EEPD1: variants seen among roughly 807,000 people sequenced by gnomAD.
The protein encoded by EEPD1 is endonuclease/exonuclease/phosphatase family domain containing 1, also known as endonuclease/exonuclease/phosphatase family domain-containing protein 1.
In EEPD1, 17 loss-of-function variants were observed where a neutral mutation model predicts 46.3. That is an observed-to-expected ratio of 0.37 (90% CI 0.25 to 0.55). The LOEUF (loss-of-function observed/expected upper bound fraction) is 0.55, where lower values mean the gene tolerates loss of function less well. Ranked by LOEUF, EEPD1 falls within the 20% of genes least tolerant of loss-of-function variation. The probability of loss-of-function intolerance (pLI) is 0.83; values close to 1 mark genes in which losing one functional copy is unlikely to be tolerated. For missense variants in EEPD1, 673 were observed against 745.6 expected (o/e 0.90, Z 1.13); for synonymous variants, 313 against 315.6 (o/e 0.99, Z 0.09).
intron 3 of EEPD1, among the ~76,000 whole-genome samples, chr7:36,279,540 A>G (rs1305069145): frequency 1.3e-5 from 2 of 152,176 alleles, no homozygotes; most frequent in Admixed American, 6.5e-5. Flanking sequence ...GCCTCTCCCA[A>G]CCATTGTATG....
At position 36,243,405 on chromosome 7, in the gene EEPD1, G is replaced by A. The variant is rs760645586; in HGVS notation, c.930+4369G>A. Among the ~76,000 whole-genome samples, 22 of 151,024 alleles carry A rather than the reference G, an allele frequency of 1.5e-4. 1 individual carries two copies. Among genetic ancestry groups the A allele is most frequent in the Non-Finnish European group, 4.4e-5 (3 of 67,888 alleles). ...TTTTAGTTCACCTGCGTCTTCCTTT[G>A]ATTAAGAAAATAGTCTTAATTCAAT... On this transcript the variant is annotated intron_variant, in intron 3 of 7. Transcript: ENST00000242108.
chr7:36,155,263 A>G (rs753853609), intron 2 of EEPD1, 61 bp downstream of exon 2: 50 of 1,464,152 alleles, frequency 3.4e-5, no homozygotes, highest in Admixed American at 1.0e-4. Flanking sequence ...GACCTCATCT[A>G]TGGATGCAAA....
intron 2 of EEPD1, among the ~76,000 whole-genome samples, chr7:36,184,431 C>G (rs1397448254): frequency 6.6e-6 from 1 of 152,160 alleles, no homozygotes; most frequent in East Asian, 1.9e-4. Flanking sequence ...CAGCCACAGC[C>G]AGTGCTCAAC....
chr7:36,166,445 G>A (rs1476463200), intron 2 of EEPD1, among the ~76,000 whole-genome samples: 2 of 152,172 alleles, frequency 1.3e-5, no homozygotes, highest in Non-Finnish European at 2.9e-5. Flanking sequence ...AGGAGGCCAG[G>A]AGAAGTGGCT....
Position 36,168,594 on chromosome 7 carries a change from A to T in EEPD1, c.878+13392A>T, listed in dbSNP as rs372513114. Among the ~76,000 whole-genome samples the T allele has an allele frequency of 3.9e-5, 6 of 152,252 alleles. No homozygotes were observed. The East Asian group carries it at 7.7e-4, about 20-fold the overall frequency. ...ATGGTGAAACCCCATCTCTACTAAAAATACAAAAACAAAATTAGCTGGGCA... is the reference window on the plus strand; with the variant it reads ...ATGGTGAAACCCCATCTCTACTAAATATACAAAAACAAAATTAGCTGGGCA... On this transcript the variant is annotated intron_variant, in intron 2 of 7. Coordinates refer to ENST00000242108, the MANE Select transcript of EEPD1 (RefSeq NM_030636.3).
chr7:36,300,802 T>A lies in EEPD1; in HGVS notation c.*1596T>A, dbSNP rs994638747. Reference sequence around the variant, plus strand: ...CCTCTTCCAGGAGCTCTAAGGGTACTTGGGAATCAATTGTGTCCATTCTGA... The same window carrying A: ...CCTCTTCCAGGAGCTCTAAGGGTACATGGGAATCAATTGTGTCCATTCTGA... On this transcript the variant is annotated 3_prime_UTR_variant, in exon 8 of 8. Transcript: ENST00000242108. 1.3e-5 allele frequency: 2 copies of A among 152,232 alleles called. No individual in the cohort carries two copies. Among genetic ancestry groups the A allele is most frequent in the African/African-American group, 4.8e-5 (2 of 41,444 alleles). 9.4% of individuals were successfully genotyped at this position (152,232 alleles called of 1,614,324 possible).
chr7:36,230,490 T>C (rs1189494166), intron 2 of EEPD1, among the ~76,000 whole-genome samples: 1 of 152,122 alleles, frequency 6.6e-6, no homozygotes, highest in Admixed American at 6.6e-5. Context: ...CCCATGTCCA[T>C]GGTCAGCATG....
chr7:36,163,761 C>T (rs957984781), intron 2 of EEPD1, among the ~76,000 whole-genome samples: 2 of 151,874 alleles, frequency 1.3e-5, no homozygotes, highest in African/African-American at 4.8e-5. Context: ...ACCTGTAGTC[C>T]CAGCTACTCG....
At chr7:36,205,882 C>G (rs185118785) in intron 2 of EEPD1, among the ~76,000 whole-genome samples, 1 of 152,252 alleles carries the variant, frequency 6.6e-6, no homozygotes, top group East Asian at 1.9e-4. Context: ...TAGAAACTCT[C>G]TCTCAGACTC....
In EEPD1 at chr7:36,299,127, G is replaced by A. The variant is rs752171732; in HGVS notation, c.1631G>A (p.Trp544Ter). The A allele has an allele frequency of 6.2e-7, 1 of 1,611,558 alleles. No individual in the cohort carries two copies. Among genetic ancestry groups the A allele is most frequent in the South Asian group, 1.1e-5 (1 of 90,976 alleles). Residue 544 changes from tryptophan to a stop codon, truncating the protein, a stop_gained, in exon 8 of 8, where the codon TGG becomes TAG. Transcript: ENST00000242108. LOFTEE classifies it high-confidence loss of function. ...GCCGAGTTCTACACTGAAAAGGACT[G>A]GAGCAAGAAGGATGCCCCTCGGAAC... ...VLAEFYTEKD[W>*]SKKDAPRNGS...
At chr7:36,261,197 A>C (rs967703957) in intron 3 of EEPD1, among the ~76,000 whole-genome samples, 2 of 152,140 alleles carry the variant, frequency 1.3e-5, no homozygotes, top group Admixed American at 1.3e-4. Context: ...AATAGAATAT[A>C]CCAGGTTCCC....
chr7:36,296,628 TC>T (rs1787528032), intron 6 of EEPD1, among the ~76,000 whole-genome samples: 1 of 151,942 alleles, frequency 6.6e-6, no homozygotes, highest in South Asian at 2.1e-4. Context: ...TCTCTGGATT[TC>T]CTGCATAGTA....
chr7:36,182,605 G>A (rs1562676899), intron 2 of EEPD1, among the ~76,000 whole-genome samples: 3 of 152,220 alleles, frequency 2.0e-5, no homozygotes, highest in Non-Finnish European at 4.4e-5. Flanking sequence ...CGTTTGCCCC[G>A]CCTGGGGCCC....
At chr7:36,188,393 G>T (rs1166128578) in intron 2 of EEPD1, among the ~76,000 whole-genome samples, 1 of 152,164 alleles carries the variant, frequency 6.6e-6, no homozygotes, top group Non-Finnish European at 1.5e-5. Flanking sequence ...ATTGTCATGG[G>T]TCATTGTGTG....
At chr7:36,189,219 G>C (rs1785418856) in intron 2 of EEPD1, among the ~76,000 whole-genome samples, 1 of 152,186 alleles carries the variant, frequency 6.6e-6, no homozygotes, top group African/African-American at 2.4e-5. Flanking sequence ...CCTGACACAG[G>C]GTGGTCCCCA....
At chr7:36,268,965 A>G (rs1336018449) in intron 3 of EEPD1, among the ~76,000 whole-genome samples, 1 of 152,216 alleles carries the variant, frequency 6.6e-6, no homozygotes, top group Non-Finnish European at 1.5e-5. Flanking sequence ...TAACCTTACT[A>G]TTAAATAATG....
intron 2 of EEPD1, among the ~76,000 whole-genome samples, chr7:36,200,006 T>C (rs1449338133): frequency 6.6e-6 from 1 of 152,166 alleles, no homozygotes; most frequent in Non-Finnish European, 1.5e-5. Flanking sequence ...CAGGGGTACA[T>C]GTGCAGGTTT....
At chr7:36,275,247 A>G (rs1787165242) in intron 3 of EEPD1, among the ~76,000 whole-genome samples, 1 of 152,160 alleles carries the variant, frequency 6.6e-6, no homozygotes, top group Non-Finnish European at 1.5e-5. Flanking sequence ...AGTTTACTTT[A>G]AAATGCCTAC....
In EEPD1 at chr7:36,241,830, T is replaced by G. The variant is rs530219852; in HGVS notation, c.930+2794T>G. ...TTGTGGTGAGCCGAGATTGCGCCAT[T>G]GCACTCCAGTCTGGGCGAGAGAGTA... On this transcript the variant is annotated intron_variant, in intron 3 of 7. Transcript: ENST00000242108. Among the ~76,000 whole-genome samples the G allele has an allele frequency of 2.0e-5, 3 of 152,308 alleles. No individual in the cohort carries two copies. In the South Asian group the frequency reaches 6.2e-4, roughly 32 times the overall value.
Sources: gnomAD v4.1 joint callset for allele counts (sites outside exome capture counted in the v4.1 genomes callset) on GRCh38, gnomAD v4.1.1 for gene constraint, MANE v1.5 for transcripts, NCBI Gene and HGNC (gene_info 2026-07-23, HGNC 2026-07-21) for gene names.